ANKRA2: variants seen among roughly 807,000 people sequenced by gnomAD.
ANKRA2 encodes the protein ankyrin repeat family A member 2, also known as ankyrin repeat family A protein 2.
In ANKRA2, 33 loss-of-function variants were observed where a neutral mutation model predicts 37.8. That is an observed-to-expected ratio of 0.87 (90% confidence interval 0.66 to 1.17). The LOEUF is 1.17. ANKRA2 is among the 50% of genes most tolerant of loss of function. The probability of loss-of-function intolerance (pLI) is 0.00; values close to 1 mark genes in which losing one functional copy is unlikely to be tolerated. For missense variants in ANKRA2, 326 were observed against 373.7 expected (o/e 0.87, Z 1.05); for synonymous variants, 126 against 132.3 (o/e 0.95, Z 0.33).
At chr5:73,553,342 G>T in intron 8 of ANKRA2, 64 bp downstream of exon 8, 1 of 1,221,652 alleles carries the variant, frequency 8.2e-7, no homozygotes, top group Non-Finnish European at 1.2e-6. Context: ...ATGGTTTGGA[G>T]TACTGGCTTA....
At chr5:73,559,433 A>T (rs1225407971) in intron 3 of ANKRA2, among the ~76,000 whole-genome samples, 2 of 152,130 alleles carry the variant, frequency 1.3e-5, no homozygotes, top group African/African-American at 4.8e-5. Flanking sequence ...TTCTACTTTA[A>T]AAAAATTGTG....
In ANKRA2 at chr5:73,565,515, C is replaced by G; in HGVS notation, c.-488G>C. ...ACTTTCGGGTTTTCTTTTTTTTGTC[C>G]CTCTCTCCTTTTTTTTAATATTTTT... On this transcript the variant is annotated 5_prime_UTR_variant, in exon 1 of 9. Coordinates refer to ENST00000296785, the MANE Select transcript of ANKRA2 (RefSeq NM_023039.5). The G allele has an allele frequency of 4.1e-6, 1 of 242,640 alleles. No homozygotes were observed. The highest frequency in any genetic ancestry group is 8.4e-6 in the Non-Finnish European group (1 of 118,790). The allele number at this position is 242,640 out of a possible 1,614,324, so 15.0% of individuals were successfully genotyped here. A position where few individuals can be genotyped will look rare whatever the true frequency, so the allele number is the denominator to read the frequency against.
chr5:73,553,409 T>A lies in ANKRA2; in HGVS notation c.883A>T (p.Ser295Cys), dbSNP rs1314702700. 5.0e-6 allele frequency: 8 copies of A among 1,611,028 alleles called. No individual in the cohort carries two copies. Among genetic ancestry groups the A allele is most frequent in the Admixed American group, 1.7e-5 (1 of 59,968 alleles). ...MDLAVALGYRSVQQVIESHLL... is the reference protein window; with the variant it reads ...MDLAVALGYRCVQQVIESHLL... ...ACAGGAGTTCTAACATACTTACCAC[T>A]TCTATAGCCTAGGGCTACAGCTAGA... Residue 295 changes from serine to cysteine, a missense_variant, in exon 8 of 9, where the codon AGT becomes TGT. Around this residue, in one of 3 missense-constraint regions of ANKRA2, gnomAD observed 228 missense variants for 260.2 expected, o/e 0.88. Transcript: ENST00000296785.
At chr5:73,552,948 AAAGTT>A in intron 8 of ANKRA2, 96 bp from the exon 9 acceptor site, 2 of 1,104,746 alleles carry the variant, frequency 1.8e-6, no homozygotes, top group Non-Finnish European at 2.7e-6. Context: ...TTCCTAAAAT[AAAGTT>A]ATTTCTAAGC....
chr5:73,555,629 A>AT (rs1245834018), intron 4 of ANKRA2, 44 bp from the exon 5 acceptor site: 1 of 1,504,656 alleles, frequency 6.6e-7, no homozygotes, highest in African/African-American at 1.4e-5. Context: ...TTTAACAACC[A>AT]TATCTTAATA....
intron 4 of ANKRA2, among the ~76,000 whole-genome samples, chr5:73,556,955 A>T (rs1747411941): frequency 6.7e-6 from 1 of 149,796 alleles, no homozygotes; most frequent in Non-Finnish European, 1.5e-5. Flanking sequence ...ACATCTGGTT[A>T]TATATATAAA....
intron 4 of ANKRA2, among the ~76,000 whole-genome samples, chr5:73,557,059 C>T (rs1014657812): frequency 2.1e-5 from 3 of 145,826 alleles, no homozygotes; most frequent in Non-Finnish European, 3.0e-5. Context: ...TATAGATATA[C>T]TTTTAAGTTT....
intron 8 of ANKRA2, among the ~76,000 whole-genome samples, chr5:73,553,114 T>C (rs1747296453): frequency 6.6e-6 from 1 of 152,200 alleles, no homozygotes; most frequent in Admixed American, 6.5e-5. Flanking sequence ...GAATACAAGG[T>C]TATCCTAAGG....
intron 2 of ANKRA2, among the ~76,000 whole-genome samples, chr5:73,562,316 C>T (rs1747579015): frequency 1.3e-5 from 2 of 151,902 alleles, no homozygotes; most frequent in Non-Finnish European, 2.9e-5. Flanking sequence ...TGTGCCTGGC[C>T]CTATGATTTT....
Position 73,554,312 on chromosome 5 carries a change from A to C in ANKRA2, c.805+10T>G, listed in dbSNP as rs775841513. ...CTCACATGGCATTTTCTAAATTTTTATCTGCTTACCTAAGAGCATCTTTAC... is the reference window on the plus strand; with the variant it reads ...CTCACATGGCATTTTCTAAATTTTTCTCTGCTTACCTAAGAGCATCTTTAC... On this transcript the variant is annotated intron_variant, in intron 7 of 8. Transcript: ENST00000296785. The C allele has an allele frequency of 6.2e-7, 1 of 1,611,782 alleles. No individual in the cohort carries two copies. Among genetic ancestry groups the C allele is most frequent in the African/African-American group, 1.3e-5 (1 of 74,886 alleles).
Position 73,561,289 on chromosome 5 carries a change from C to T in ANKRA2, c.290-1G>A. The T allele has an allele frequency of 6.2e-7, 1 of 1,611,266 alleles. No homozygotes were observed. Among genetic ancestry groups the T allele is most frequent in the Admixed American group, 1.7e-5 (1 of 59,532 alleles). ...GGAGATGTATGGATATTGCATTCAG[C>T]TAAGTGAAAAACAAATGTAAACACA... On this transcript the variant is annotated splice_acceptor_variant, in intron 2 of 8. Coordinates refer to ENST00000296785, the MANE Select transcript of ANKRA2 (RefSeq NM_023039.5). LOFTEE classifies it high-confidence loss of function.
At chr5:73,563,918 T>G (rs972571048) in intron 1 of ANKRA2, among the ~76,000 whole-genome samples, 2 of 152,180 alleles carry the variant, frequency 1.3e-5, no homozygotes, top group African/African-American at 4.8e-5. Context: ...GATTAGTCTT[T>G]ATAACAATCC....
intron 1 of ANKRA2, among the ~76,000 whole-genome samples, chr5:73,563,368 A>G (rs1361479637): frequency 6.6e-6 from 1 of 152,266 alleles, no homozygotes; most frequent in African/African-American, 2.4e-5. Flanking sequence ...CCAAATGGAT[A>G]AAAGATCAGG....
At chr5:73,556,856 C>T (rs545270025) in intron 4 of ANKRA2, among the ~76,000 whole-genome samples, 23 of 151,758 alleles carry the variant, frequency 1.5e-4, no homozygotes, top group Non-Finnish European at 2.8e-4. Context: ...ATTTTTCACA[C>T]GTCAGATTAG....
At chr5:73,554,232 A>C in intron 7 of ANKRA2, 90 bp downstream of exon 7, 1 of 1,090,496 alleles carries the variant, frequency 9.2e-7, no homozygotes, top group South Asian at 1.4e-5. Flanking sequence ...ACAATAGTTA[A>C]TGATTCTCCT....
At position 73,557,803 on chromosome 5, in the gene ANKRA2, G is replaced by A. The variant is rs1006818185; in HGVS notation, c.449-163C>T. On this transcript the variant is annotated intron_variant, in intron 3 of 8. Transcript: ENST00000296785. The stretch of plus-strand genomic sequence containing the variant: ...ATGTATCCTAAAATTAAGGCTGGGC[G>A]CAGTGGCTCATGCCCGTAATCCCAG... 6.6e-5 allele frequency among the ~76,000 whole-genome samples: 10 copies of A among 152,152 alleles called. No homozygotes were observed. The South Asian group carries it at 8.3e-4, about 13-fold the overall frequency.
chr5:73,559,070 T>C (rs372113744), intron 3 of ANKRA2, among the ~76,000 whole-genome samples: 5 of 152,190 alleles, frequency 3.3e-5, no homozygotes, highest in Non-Finnish European at 7.3e-5. Context: ...AATGATACGA[T>C]TGGATGGCCT....
chr5:73,554,210 T>C, intron 7 of ANKRA2, 112 bp downstream of exon 7: 1 of 968,502 alleles, frequency 1.0e-6, no homozygotes, highest in Non-Finnish European at 1.6e-6. Context: ...AGCAGCAAGA[T>C]TCATGTATTT....
Position 73,562,769 on chromosome 5 carries a change from G to C in ANKRA2, c.113C>G (p.Pro38Arg), listed in dbSNP as rs1333773588. The change falls in exon 2 of 9, where the codon CCA (proline) becomes CGA (arginine). Residue 38 changes from proline to arginine, a missense_variant. Physicochemically the swap from Pro to Arg is moderately radical, Grantham distance 103. Transcript: ENST00000296785. ...CTGAGCTGACCCTTCTTCTGAATTTGGGTCCAGTGGATGTTCTATTTTAAT... is the reference window on the plus strand; with the variant it reads ...CTGAGCTGACCCTTCTTCTGAATTTCGGTCCAGTGGATGTTCTATTTTAAT... ...PDIKIEHPLDPNSEEGSAQGV... is the reference protein window; with the variant it reads ...PDIKIEHPLDRNSEEGSAQGV... The C allele has an allele frequency of 1.2e-6, 2 of 1,614,112 alleles. No individual in the cohort carries two copies. The highest frequency in any genetic ancestry group is 2.2e-5 in the South Asian group (2 of 91,072).
Sources: allele counts gnomAD v4.1 joint callset (sites outside exome capture counted in the v4.1 genomes callset), GRCh38; gene constraint gnomAD v4.1.1; regional missense constraint gnomAD v4.1.1; transcripts MANE v1.5; gene names NCBI Gene and HGNC (gene_info 2026-07-23, HGNC 2026-07-21).